The following FAM107B variants were observed in gnomAD, a reference collection of about 807,000 sequenced individuals.
The protein encoded by FAM107B is family with sequence similarity 107 member B.
FAM107B carries 21 observed loss-of-function variants against 31.5 expected under a neutral mutation model. The observed-to-expected ratio is 0.67, with a 90% CI of 0.47 to 0.96. FAM107B has a LOEUF of 0.96. Ranked by LOEUF, FAM107B falls within the 40% of genes least tolerant of loss-of-function variation. The probability of loss-of-function intolerance (pLI) is 0.00; values close to 1 mark genes in which losing one functional copy is unlikely to be tolerated. For missense variants in FAM107B, 452 were observed against 377.1 expected (o/e 1.20, Z -1.64); for synonymous variants, 157 against 141.5 (o/e 1.11, Z -0.78).
At chr10:14,521,738 T>C (rs958719080) in intron 4 of FAM107B, 131 bp downstream of exon 4, 1 of 1,346,774 alleles carries the variant, frequency 7.4e-7, no homozygotes, top group African/African-American at 1.5e-5. Flanking sequence ...TTTGCTGACA[T>C]TTGTCTCCAA....
At chr10:14,694,469 TGC>T (rs1343464122) in intron 1 of FAM107B, among the ~76,000 whole-genome samples, 2 of 152,128 alleles carry the variant, frequency 1.3e-5, no homozygotes, top group African/African-American at 4.8e-5. Flanking sequence ...CTGCAACCTC[TGC>T]CTCCTGGGTT....
At chr10:14,670,531 G>A (rs1169677568) in intron 1 of FAM107B, among the ~76,000 whole-genome samples, 3 of 152,164 alleles carry the variant, frequency 2.0e-5, no homozygotes, top group African/African-American at 7.2e-5. Context: ...ACAGCCACAG[G>A]GGAAGTCTCT....
chr10:14,770,340 T>C (rs1253249286), intron 1 of FAM107B, among the ~76,000 whole-genome samples: 1 of 152,036 alleles, frequency 6.6e-6, no homozygotes, highest in Non-Finnish European at 1.5e-5. Context: ...CTGGCCAACA[T>C]GGTGAAAACC....
intron 1 of FAM107B, among the ~76,000 whole-genome samples, chr10:14,710,533 T>C (rs1311644907): frequency 6.6e-6 from 1 of 151,392 alleles, no homozygotes; most frequent in Non-Finnish European, 1.5e-5. Context: ...TGATTTACAG[T>C]TATTTATTGC....
chr10:14,615,150 G>A (rs145196087), intron 2 of FAM107B, among the ~76,000 whole-genome samples: 5,845 of 152,138 alleles, frequency 0.038, 171 homozygotes, highest in East Asian at 0.12. Flanking sequence ...CCAATATAGT[G>A]AAAACTCATC....
At chr10:14,632,556 A>T (rs1588671955) in intron 2 of FAM107B, among the ~76,000 whole-genome samples, 1 of 149,166 alleles carries the variant, frequency 6.7e-6, no homozygotes, top group Admixed American at 6.8e-5. Context: ...GCTTGCAGTG[A>T]GCCGAGATTG....
At chr10:14,572,739 T>TTATATATATATATATATGTATATATGTA (rs1851314251) in intron 2 of FAM107B, among the ~76,000 whole-genome samples, 1 of 92,004 alleles carries the variant, frequency 1.1e-5, no homozygotes, top group Non-Finnish European at 2.2e-5. Flanking sequence ...AAAAAAAAAT[T>TTATATATATATATATATGTATATATGTA]TATATATATA....
intron 2 of FAM107B, among the ~76,000 whole-genome samples, chr10:14,570,373 G>A (rs1571040): frequency 0.74 from 111,985 of 151,948 alleles, 42,511 homozygotes; most frequent in Middle Eastern, 0.85. Context: ...ACAAGCCATA[G>A]CCACTGTGAG....
chr10:14,754,824 G>A (rs765766628), intron 1 of FAM107B, among the ~76,000 whole-genome samples: 4 of 152,096 alleles, frequency 2.6e-5, no homozygotes, highest in African/African-American at 4.8e-5. Context: ...GCAACCATAC[G>A]GATAATTTTA....
Position 14,706,953 on chromosome 10 carries a change from C to T in FAM107B, c.412-39262G>A, listed in dbSNP as rs184609537. On this transcript the variant is annotated intron_variant, in intron 1 of 4. Transcript: ENST00000181796. ...CACCCTGGCTAACACGGTGAAACCC[C>T]GTATCTACTAAAAATAGAAAAATTA... Among the ~76,000 whole-genome samples, 6 of 152,072 alleles carry T rather than the reference C, an allele frequency of 3.9e-5. No individual in the cohort carries two copies. The East Asian group carries it at 9.7e-4, about 25-fold the overall frequency.
chr10:14,734,121 G>T (rs1245828847), intron 1 of FAM107B, among the ~76,000 whole-genome samples: 2 of 152,054 alleles, frequency 1.3e-5, no homozygotes. Flanking sequence ...TTCTTGTTCT[G>T]AAAACAATGC....
intron 2 of FAM107B, among the ~76,000 whole-genome samples, chr10:14,545,685 G>C (rs1435881350): frequency 9.9e-5 from 15 of 151,916 alleles, no homozygotes; most frequent in Admixed American, 9.8e-4. Flanking sequence ...TTCCTTTTTT[G>C]GTTTTTGCAT....
At chr10:14,738,055 C>T (rs1233112903) in intron 1 of FAM107B, among the ~76,000 whole-genome samples, 1 of 152,242 alleles carries the variant, frequency 6.6e-6, no homozygotes, top group East Asian at 1.9e-4. Flanking sequence ...TTTACACACA[C>T]GGTCTCATTG....
chr10:14,739,448 A>G (rs1484169253), intron 1 of FAM107B, among the ~76,000 whole-genome samples: 1 of 152,218 alleles, frequency 6.6e-6, no homozygotes, highest in East Asian at 1.9e-4. Context: ...TTTACCTGCC[A>G]GGCATCCATG....
At chr10:14,593,512 T>C (rs1272805376) in intron 2 of FAM107B, among the ~76,000 whole-genome samples, 1 of 151,972 alleles carries the variant, frequency 6.6e-6, no homozygotes, top group Non-Finnish European at 1.5e-5. Flanking sequence ...ACCCCATGTC[T>C]AATAAAAATA....
intron 2 of FAM107B, among the ~76,000 whole-genome samples, chr10:14,643,456 C>T (rs140495450): frequency 6.6e-4 from 99 of 149,972 alleles, no homozygotes; most frequent in African/African-American, 2.1e-3. Context: ...GTCACCCAGG[C>T]TGGAGTGCAG....
At chr10:14,540,296 C>T (rs569913576) in intron 2 of FAM107B, among the ~76,000 whole-genome samples, 35 of 152,368 alleles carry the variant, frequency 2.3e-4, no homozygotes, top group Non-Finnish European at 2.6e-4. Flanking sequence ...AGTGCCTGTG[C>T]TTCTGGCCCT....
intron 1 of FAM107B, among the ~76,000 whole-genome samples, chr10:14,717,038 C>A (rs1046280515): frequency 6.6e-6 from 1 of 151,984 alleles, no homozygotes; most frequent in Non-Finnish European, 1.5e-5. Context: ...TGCAGGGAGC[C>A]GAGATAGCGC....
At chr10:14,704,355 T>G (rs1855473869) in intron 1 of FAM107B, among the ~76,000 whole-genome samples, 1 of 151,626 alleles carries the variant, frequency 6.6e-6, no homozygotes, top group African/African-American at 2.4e-5. Flanking sequence ...CAGGATCAGG[T>G]TTTAACTAAT....
Sources: allele counts gnomAD v4.1 joint callset (sites outside exome capture counted in the v4.1 genomes callset), GRCh38; gene constraint gnomAD v4.1.1; transcripts MANE v1.5; gene names NCBI Gene and HGNC (gene_info 2026-07-23, HGNC 2026-07-21).